Variants in SPAG16 observed in about 807,000 individuals in gnomAD.
The protein encoded by SPAG16 is sperm associated antigen 16.
SPAG16 carries 86 observed loss-of-function variants against 80.4 expected under a neutral mutation model. The observed-to-expected ratio is 1.07, with a 90% CI of 0.90 to 1.28. The LOEUF (loss-of-function observed/expected upper bound fraction) is 1.28, where lower values mean the gene tolerates loss of function less well. SPAG16 is among the 50% of genes most tolerant of loss of function. The probability of loss-of-function intolerance (pLI) is 0.00; values close to 1 mark genes in which losing one functional copy is unlikely to be tolerated. For synonymous variants in SPAG16, 294 were observed against 265.9 expected, an observed-to-expected ratio of 1.11 and a Z score of -1.03; for missense variants, 870 against 765.3, an observed-to-expected ratio of 1.14 and a Z score of -1.61.
At chr2:213,744,142 A>G (rs1328346868) in intron 10 of SPAG16, among the ~76,000 whole-genome samples, 1 of 152,156 alleles carries the variant, frequency 6.6e-6, no homozygotes, top group Non-Finnish European at 1.5e-5. Context: ...TGGAGGTTGA[A>G]GGATGTTTTG....
chr2:213,532,808 A>G (rs947130001), intron 10 of SPAG16, among the ~76,000 whole-genome samples: 6 of 152,206 alleles, frequency 3.9e-5, no homozygotes, highest in Non-Finnish European at 8.8e-5. Context: ...ATAATAAGCT[A>G]TAAGTTTATT....
chr2:213,341,347 A>C (rs868112390), intron 6 of SPAG16, among the ~76,000 whole-genome samples: 1 of 152,196 alleles, frequency 6.6e-6, no homozygotes, highest in Non-Finnish European at 1.5e-5. Flanking sequence ...TAAATCAGCT[A>C]TAGGACAGAG....
chr2:213,916,444 G>A (rs954452120), intron 11 of SPAG16, among the ~76,000 whole-genome samples: 7 of 152,154 alleles, frequency 4.6e-5, no homozygotes, highest in African/African-American at 1.7e-4. Flanking sequence ...CATTATTTCT[G>A]AGGCCTCTGT....
At chr2:213,475,055 A>G (rs1053766225) in intron 9 of SPAG16, among the ~76,000 whole-genome samples, 2 of 152,162 alleles carry the variant, frequency 1.3e-5, no homozygotes, top group East Asian at 3.9e-4. Flanking sequence ...TTGGCACTAT[A>G]TGAGGTACAA....
chr2:214,118,497 G>C (rs1246638587), intron 14 of SPAG16, among the ~76,000 whole-genome samples: 1 of 152,030 alleles, frequency 6.6e-6, no homozygotes, highest in Non-Finnish European at 1.5e-5. Flanking sequence ...CACATCGTTG[G>C]GGAGGCCTCA....
chr2:213,344,309 A>G (rs993828967), intron 6 of SPAG16, among the ~76,000 whole-genome samples: 2 of 151,958 alleles, frequency 1.3e-5, no homozygotes, highest in African/African-American at 4.8e-5. Flanking sequence ...TCCACTTCAC[A>G]GCGTTGGCTA....
chr2:213,326,591 T>C (rs979240305), intron 5 of SPAG16, among the ~76,000 whole-genome samples: 1 of 152,030 alleles, frequency 6.6e-6, no homozygotes, highest in Non-Finnish European at 1.5e-5. Context: ...ATATAAAATT[T>C]AGTGGGTTAA....
intron 10 of SPAG16, among the ~76,000 whole-genome samples, chr2:213,538,257 T>TG (rs1265666941): frequency 6.6e-6 from 1 of 152,086 alleles, no homozygotes; most frequent in Admixed American, 6.6e-5. Context: ...ATTACCAGAG[T>TG]GATTCAGTTT....
chr2:213,990,788 G>A (rs971210431), intron 12 of SPAG16, among the ~76,000 whole-genome samples: 9 of 152,042 alleles, frequency 5.9e-5, no homozygotes, highest in African/African-American at 1.9e-4. Context: ...ATGTTGTTAA[G>A]GTTCCAGTGT....
chr2:213,610,781 G>T (rs1030232657), intron 10 of SPAG16, among the ~76,000 whole-genome samples: 3 of 152,152 alleles, frequency 2.0e-5, no homozygotes, highest in Non-Finnish European at 2.9e-5. Flanking sequence ...ATTAAAAAAA[G>T]GTCATGAGGA....
intron 6 of SPAG16, among the ~76,000 whole-genome samples, chr2:213,342,311 T>TATATATGAC: frequency 6.9e-6 from 1 of 145,652 alleles, no homozygotes; most frequent in African/African-American, 2.5e-5. Context: ...TATGTGTATA[T>TATATATGAC]ATATGTTACA....
chr2:213,920,296 T>C (rs1035674707), intron 11 of SPAG16, among the ~76,000 whole-genome samples: 1 of 152,224 alleles, frequency 6.6e-6, no homozygotes, highest in African/African-American at 2.4e-5. Context: ...AAAGTTATTG[T>C]TGATATGTGT....
chr2:214,320,050 G>A, intron 15 of SPAG16, among the ~76,000 whole-genome samples: 1 of 152,098 alleles, frequency 6.6e-6, no homozygotes, highest in East Asian at 1.9e-4. Context: ...ATTTCAGTAA[G>A]CTTATACTTA....
At chr2:213,990,644 G>A (rs1038112626) in intron 12 of SPAG16, among the ~76,000 whole-genome samples, 1 of 152,098 alleles carries the variant, frequency 6.6e-6, no homozygotes, top group Non-Finnish European at 1.5e-5. Context: ...TCATCCTAAA[G>A]GTCTTCATCC....
intron 12 of SPAG16, among the ~76,000 whole-genome samples, chr2:213,935,471 T>C: frequency 6.6e-6 from 1 of 152,328 alleles, no homozygotes; most frequent in South Asian, 2.1e-4. Flanking sequence ...GCCCCTTCTT[T>C]CTTCCCATCT....
intron 9 of SPAG16, among the ~76,000 whole-genome samples, chr2:213,392,530 G>A (rs188877882): frequency 3.9e-5 from 6 of 152,166 alleles, no homozygotes; most frequent in Non-Finnish European, 8.8e-5. Context: ...ATGCAAATGG[G>A]AATTTTAATA....
chr2:214,228,664 G>T (rs79611940), intron 15 of SPAG16, among the ~76,000 whole-genome samples: 4 of 151,726 alleles, frequency 2.6e-5, no homozygotes, highest in African/African-American at 9.7e-5. Flanking sequence ...TGCAATTAGG[G>T]CCCAGCCATC....
intron 11 of SPAG16, among the ~76,000 whole-genome samples, chr2:213,866,308 A>G (rs1423413687): frequency 6.6e-6 from 1 of 152,110 alleles, no homozygotes; most frequent in Admixed American, 6.6e-5. Context: ...CCATTTCACT[A>G]TTTTGAATGC....
chr2:213,604,040 C>T (rs1035078564), intron 10 of SPAG16, among the ~76,000 whole-genome samples: 4 of 151,680 alleles, frequency 2.6e-5, no homozygotes, highest in Non-Finnish European at 5.9e-5. Flanking sequence ...TACAGGCATG[C>T]ACCACCACAC....
Sources: gnomAD v4.1 joint callset for allele counts (sites outside exome capture counted in the v4.1 genomes callset) on GRCh38, gnomAD v4.1.1 for gene constraint, MANE v1.5 for transcripts, NCBI Gene and HGNC (gene_info 2026-07-23, HGNC 2026-07-21) for gene names.